The following TENM2 variants were observed in gnomAD, a reference collection of about 807,000 sequenced individuals.
TENM2 encodes teneurin-2.
Under a neutral mutation model 245.2 loss-of-function variants are expected in TENM2, and 52 were observed. The observed-to-expected ratio is 0.21, with a 90% CI of 0.17 to 0.27. The LOEUF (loss-of-function observed/expected upper bound fraction) is 0.27, where lower values mean the gene tolerates loss of function less well. Among genes scored for constraint, TENM2 ranks in the 10% least tolerant of loss-of-function variants. TENM2 has a pLI of 1.00. For missense variants in TENM2, 3,046 were observed against 3,666.8 expected, an observed-to-expected ratio of 0.83 and a Z score of 4.37; for synonymous variants, 1,363 against 1,438.9, an observed-to-expected ratio of 0.95 and a Z score of 1.19.
In TENM2 at chr5:168,154,764, T is replaced by C. The variant is rs182988979; in HGVS notation, c.2423-7847T>C. 9.0e-4 allele frequency among the ~76,000 whole-genome samples: 137 copies of C among 152,172 alleles called. 1 individual carries two copies. The East Asian group carries it at 0.021, about 23-fold the overall frequency. On this transcript the variant is annotated intron_variant, in intron 12 of 28. Coordinates refer to ENST00000518659, the Ensembl canonical transcript of TENM2. ...TTGCTGTTGGGGTTGTGGGGAGTGA[T>C]TTCTGCCTTAGGAGCAAAAGCCAGC...
intron 23 of TENM2, among the ~76,000 whole-genome samples, chr5:168,225,743 A>T (rs949617556): frequency 2.7e-5 from 4 of 146,572 alleles, no homozygotes; most frequent in African/African-American, 1.0e-4. Context: ...CCTGGGACAG[A>T]GTGAGACTCC....
At chr5:167,041,761 A>G in the TENM2 span, among the ~76,000 whole-genome samples, 29 of 152,200 alleles carry the variant, frequency 1.9e-4, no homozygotes, top group Admixed American at 1.9e-3. Context: ...AAGAGTCTTT[A>G]GCTGACTTTG....
chr5:167,890,547 A>G (rs189109660), intron 3 of TENM2, among the ~76,000 whole-genome samples: 365 of 152,228 alleles, frequency 2.4e-3, no homozygotes, highest in African/African-American at 7.8e-3. Flanking sequence ...TTAGGTGACA[A>G]TGTTGAAAAA....
intron 3 of TENM2, among the ~76,000 whole-genome samples, chr5:167,897,108 A>G (rs1364783593): frequency 1.3e-5 from 2 of 152,190 alleles, no homozygotes; most frequent in Non-Finnish European, 2.9e-5. Flanking sequence ...GCCCTGTTCC[A>G]TTCTCCCCTC....
chr5:167,085,182 A>G, the TENM2 span, among the ~76,000 whole-genome samples: 1 of 152,186 alleles, frequency 6.6e-6, no homozygotes, highest in Non-Finnish European at 1.5e-5. Flanking sequence ...CACCATGGTG[A>G]TTTTATTCTT....
chr5:167,205,246 T>C, the TENM2 span, among the ~76,000 whole-genome samples: 1 of 152,262 alleles, frequency 6.6e-6, no homozygotes, highest in African/African-American at 2.4e-5. Flanking sequence ...CTGGGCATGG[T>C]GGTGCACACC....
chr5:167,167,017 C>T, the TENM2 span, among the ~76,000 whole-genome samples: 8 of 152,180 alleles, frequency 5.3e-5, no homozygotes, highest in East Asian at 1.2e-3. Flanking sequence ...CCTTCCTTCT[C>T]GATTCTTCAC....
At chr5:167,084,327 T>TTACATATA in the TENM2 span, among the ~76,000 whole-genome samples, 2 of 23,180 alleles carry the variant, frequency 8.6e-5, no homozygotes, top group African/African-American at 1.8e-4. Context: ...GCCATTTTAG[T>TTACATATA]TATATATATA....
intron 2 of TENM2, among the ~76,000 whole-genome samples, chr5:167,583,701 T>G (rs769889341): frequency 6.6e-6 from 1 of 152,200 alleles, no homozygotes; most frequent in Non-Finnish European, 1.5e-5. Flanking sequence ...ATATGCTGTG[T>G]TTCCTGTCCT....
the TENM2 span, among the ~76,000 whole-genome samples, chr5:167,003,439 G>A: frequency 6.6e-6 from 1 of 152,166 alleles, no homozygotes; most frequent in Non-Finnish European, 1.5e-5. Flanking sequence ...AATCAGAGTT[G>A]CTTAATTGTC....
chr5:167,070,520 C>T, the TENM2 span, among the ~76,000 whole-genome samples: 1 of 152,066 alleles, frequency 6.6e-6, no homozygotes, highest in African/African-American at 2.4e-5. Context: ...CTCCATTTCA[C>T]TAATCATAAT....
intron 2 of TENM2, among the ~76,000 whole-genome samples, chr5:167,636,924 G>T (rs551690494): frequency 6.6e-6 from 1 of 152,292 alleles, no homozygotes; most frequent in East Asian, 1.9e-4. Context: ...AGTTGACATT[G>T]TGTCACAGTG....
Position 168,174,953 on chromosome 5 carries a change from T to C in TENM2, c.2569+12196T>C, listed in dbSNP as rs572172685. On this transcript the variant is annotated intron_variant, in intron 13 of 28. Transcript: ENST00000518659. ...TAGCTGGCCCTGGTTCCTTGCCTTTTATGACATTCTGCTGCTTCTCCCATG... is the reference window on the plus strand; with the variant it reads ...TAGCTGGCCCTGGTTCCTTGCCTTTCATGACATTCTGCTGCTTCTCCCATG... Among the ~76,000 whole-genome samples, 6 of 152,302 alleles carry C rather than the reference T, an allele frequency of 3.9e-5. No individual in the cohort carries two copies. In the South Asian group the frequency reaches 1.0e-3, roughly 26 times the overall value.
chr5:167,955,593 G>C (rs902124176), intron 4 of TENM2, among the ~76,000 whole-genome samples: 1 of 152,060 alleles, frequency 6.6e-6, no homozygotes, highest in Admixed American at 6.5e-5. Flanking sequence ...GGGTTTTTAT[G>C]GTTTTAGGTT....
At chr5:167,583,797 ACATTTTCCATTCCATCTCTCC>A in intron 2 of TENM2, among the ~76,000 whole-genome samples, 1 of 152,234 alleles carries the variant, frequency 6.6e-6, no homozygotes, top group Non-Finnish European at 1.5e-5. Context: ...CCAATCTTCT[ACATTTTCCATTCCATCTCTCC>A]AGGATTCCTT....
At chr5:167,636,543 C>G (rs1172388813) in intron 2 of TENM2, among the ~76,000 whole-genome samples, 1 of 152,196 alleles carries the variant, frequency 6.6e-6, no homozygotes, top group East Asian at 1.9e-4. Context: ...CACTGTTCCT[C>G]AGAGAACCAT....
rs758290692 is a variant in TENM2 at position 167,377,492 on chromosome 5, A to G, written c.502+2019A>G. 3.5e-4 allele frequency among the ~76,000 whole-genome samples: 54 copies of G among 152,140 alleles called. 1 individual carries two copies. Among genetic ancestry groups the G allele is most frequent in the Admixed American group, 2.1e-3 (32 of 15,276 alleles). On this transcript the variant is annotated intron_variant, in intron 2 of 28. Transcript: ENST00000518659. ...GCTTATTTTAAAATATACAGGTAGA[A>G]TGTCTTTGTTTTTCTTTTTAAAACA...
At chr5:167,254,741 G>A in the TENM2 span, among the ~76,000 whole-genome samples, 3 of 152,108 alleles carry the variant, frequency 2.0e-5, no homozygotes, top group Non-Finnish European at 2.9e-5. Flanking sequence ...ATTTAGATAA[G>A]GAGATCAGGG....
At chr5:167,058,498 C>G in the TENM2 span, among the ~76,000 whole-genome samples, 1 of 152,182 alleles carries the variant, frequency 6.6e-6, no homozygotes, top group Non-Finnish European at 1.5e-5. Context: ...ATGGCTTATG[C>G]CTGTTATCCC....
Sources: allele counts gnomAD v4.1 joint callset (sites outside exome capture counted in the v4.1 genomes callset), GRCh38; gene constraint gnomAD v4.1.1; transcripts MANE v1.5; gene names NCBI Gene and HGNC (gene_info 2026-07-23, HGNC 2026-07-21).